Variants in OXCT1 observed in about 807,000 individuals in gnomAD.
OXCT1 encodes 3-oxoacid CoA-transferase 1, also known as succinyl-CoA:3-ketoacid coenzyme A transferase 1, mitochondrial.
A neutral mutation model predicts 69.6 loss-of-function variants in OXCT1; 27 were observed. The observed-to-expected ratio is 0.39, with a 90% CI of 0.29 to 0.54. OXCT1 has a LOEUF of 0.54. OXCT1 is among the 20% of genes least tolerant of loss of function. The pLI, the probability that OXCT1 is intolerant of heterozygous loss-of-function variation, is 0.72. For missense variants in OXCT1, 437 were observed against 650.2 expected, an observed-to-expected ratio of 0.67 and a Z score of 3.57; for synonymous variants, 202 against 217.8, an observed-to-expected ratio of 0.93 and a Z score of 0.64.
At chr5:41,771,039 T>G (rs1401825542) in intron 13 of OXCT1, among the ~76,000 whole-genome samples, 1 of 152,178 alleles carries the variant, frequency 6.6e-6, no homozygotes, top group Non-Finnish European at 1.5e-5. Flanking sequence ...GAGTCTTCAT[T>G]CATCTATTGT....
intron 13 of OXCT1, among the ~76,000 whole-genome samples, chr5:41,789,534 ATAC>A (rs142328682): frequency 1.3e-3 from 198 of 152,348 alleles, no homozygotes; most frequent in African/African-American, 4.4e-3. Flanking sequence ...ACCAATGAAT[ATAC>A]TACAACAGTG....
At chr5:41,855,605 C>T (rs1054370355) in intron 3 of OXCT1, among the ~76,000 whole-genome samples, 12 of 152,180 alleles carry the variant, frequency 7.9e-5, no homozygotes, top group African/African-American at 2.9e-4. Context: ...TTACTGAGTG[C>T]TTATTCTACC....
chr5:41,822,334 A>G (rs1385974276), intron 7 of OXCT1, among the ~76,000 whole-genome samples: 1 of 152,084 alleles, frequency 6.6e-6, no homozygotes, highest in Non-Finnish European at 1.5e-5. Context: ...AGAAATAAGA[A>G]CTGCCACACC....
chr5:41,755,209 GTTAA>G (rs1463594877), intron 14 of OXCT1, among the ~76,000 whole-genome samples: 1 of 151,994 alleles, frequency 6.6e-6, no homozygotes, highest in Admixed American at 6.6e-5. Context: ...AAGTGATAAG[GTTAA>G]TTAAATTCTG....
intron 4 of OXCT1, among the ~76,000 whole-genome samples, 161 bp from the exon 5 acceptor site, chr5:41,850,340 C>G: frequency 6.6e-6 from 1 of 152,242 alleles, no homozygotes; most frequent in East Asian, 1.9e-4. Flanking sequence ...GCTAGAAGAT[C>G]AATTTTAAGA....
rs560266214 is a variant in OXCT1 at position 41,777,199 on chromosome 5, T to A, written c.1249-14999A>T. Among the ~76,000 whole-genome samples the A allele has an allele frequency of 2.0e-5, 3 of 152,212 alleles. No individual in the cohort carries two copies. The South Asian group carries it at 6.2e-4, about 32-fold the overall frequency. ...TTGGGAGGGTGAGGTGGGTGGATCATGAGGTCAGGAGTTCGAGACCAGCCT... is the reference window on the plus strand; with the variant it reads ...TTGGGAGGGTGAGGTGGGTGGATCAAGAGGTCAGGAGTTCGAGACCAGCCT... On this transcript the variant is annotated intron_variant, in intron 13 of 16. Transcript: ENST00000196371.
chr5:41,850,207 A>ATAT, intron 4 of OXCT1, 28 bp from the exon 5 acceptor site: 2 of 1,612,262 alleles, frequency 1.2e-6, no homozygotes, highest in South Asian at 2.2e-5. Flanking sequence ...ACACCCCATA[A>ATAT]GTTCACTAAG....
chr5:41,860,099 A>G (rs1402769244), intron 3 of OXCT1, among the ~76,000 whole-genome samples: 1 of 151,842 alleles, frequency 6.6e-6, no homozygotes, highest in Non-Finnish European at 1.5e-5. Flanking sequence ...AGTCAAATTA[A>G]AGGGCATAAG....
chr5:41,869,509 C>T (rs1391445492), intron 1 of OXCT1, among the ~76,000 whole-genome samples: 2 of 152,198 alleles, frequency 1.3e-5, no homozygotes, highest in African/African-American at 4.8e-5. Flanking sequence ...GGATACCACT[C>T]GGTGGAGAGT....
intron 7 of OXCT1, among the ~76,000 whole-genome samples, chr5:41,818,442 A>C (rs1298658510): frequency 2.0e-5 from 3 of 152,198 alleles, no homozygotes; most frequent in Non-Finnish European, 4.4e-5. Flanking sequence ...CTGTGGAATG[A>C]GGAACCTAAT....
rs1375395006 is a variant in OXCT1, at chr5:41,749,603, T to C, written c.1343A>G (p.Asn448Ser). Residue 448 changes from asparagine to serine, a missense_variant, in exon 15 of 17, where the codon AAT becomes AGT. By Grantham distance (46) the Asn-to-Ser change is conservative (BLOSUM62 1). Transcript: ENST00000196371. ...ACATTTCTCCATGATTTTATGTGCA[T>C]TTCCCTGTTTTAAAAAGAAAACATC... ...VVTMEHSAKG[N>S]AHKIMEKCTL... The C allele has an allele frequency of 1.9e-6, 3 of 1,599,456 alleles. No individual in the cohort carries two copies. The highest frequency in any genetic ancestry group is 1.1e-5 in the South Asian group (1 of 90,440).
At chr5:41,785,139 C>T (rs76251221) in intron 13 of OXCT1, among the ~76,000 whole-genome samples, 2 of 152,140 alleles carry the variant, frequency 1.3e-5, no homozygotes, top group African/African-American at 2.4e-5. Flanking sequence ...AATGCATGCC[C>T]ATTTGTTAAA....
intron 7 of OXCT1, among the ~76,000 whole-genome samples, chr5:41,836,466 A>G (rs1748367358): frequency 6.6e-6 from 1 of 152,098 alleles, no homozygotes; most frequent in Admixed American, 6.5e-5. Context: ...ATAAGTGATC[A>G]CCTCTATGGT....
At chr5:41,800,741 T>C (rs1474406165) in intron 11 of OXCT1, among the ~76,000 whole-genome samples, 1 of 152,048 alleles carries the variant, frequency 6.6e-6, no homozygotes, top group Non-Finnish European at 1.5e-5. Flanking sequence ...TCCCTTCCTC[T>C]AACTCTCAAT....
At chr5:41,852,895 T>TA (rs1181565008) in intron 4 of OXCT1, among the ~76,000 whole-genome samples, 1 of 152,066 alleles carries the variant, frequency 6.6e-6, no homozygotes, top group Non-Finnish European at 1.5e-5. Flanking sequence ...CCGTCTCTAC[T>TA]AAAAATACAG....
chr5:41,752,159 G>A (rs924507485), intron 14 of OXCT1, among the ~76,000 whole-genome samples: 10 of 152,096 alleles, frequency 6.6e-5, no homozygotes, highest in African/African-American at 2.4e-4. Context: ...TGGGAGCAAA[G>A]AGCACTCTAC....
chr5:41,750,134 GGTT>G (rs1226924988), intron 14 of OXCT1, among the ~76,000 whole-genome samples: 7 of 85,810 alleles, frequency 8.2e-5, no homozygotes, highest in African/African-American at 3.3e-4. Context: ...TGTGTTTTTT[GGTT>G]TTTTTTTTTT....
At chr5:41,861,513 G>T in intron 2 of OXCT1, 109 bp from the exon 3 acceptor site, 1 of 768,754 alleles carries the variant, frequency 1.3e-6, no homozygotes. Flanking sequence ...CACATTATTA[G>T]ATCTACTAAG....
Position 41,805,653 on chromosome 5 carries a change from C to T in OXCT1, c.869G>A (p.Gly290Glu). ...ERLSIRKEGDGEAKSAKPGDD... is the reference protein window; with the variant it reads ...ERLSIRKEGDEEAKSAKPGDD... ...TCCAGGTTTAGCAGATTTGGCTTCC[C>T]CATCTCCCTCTTTCCGGATTGATAA... is the stretch of plus-strand genomic sequence containing the variant. Residue 290 changes from glycine to glutamate, a missense_variant, in exon 9 of 17, where the codon GGG becomes GAG. Coordinates refer to ENST00000196371, the MANE Select transcript of OXCT1 (RefSeq NM_000436.4). 6.2e-7 allele frequency: 1 copy of T among 1,611,694 alleles called. No homozygotes were observed. The highest frequency in any genetic ancestry group is 2.2e-5 in the East Asian group (1 of 44,830).
Sources: gnomAD v4.1 joint callset for allele counts (sites outside exome capture counted in the v4.1 genomes callset) on GRCh38, gnomAD v4.1.1 for gene constraint, MANE v1.5 for transcripts, NCBI Gene and HGNC (gene_info 2026-07-23, HGNC 2026-07-21) for gene names.